Variants in RELN observed in about 807,000 individuals in gnomAD.
RELN encodes reelin.
A neutral mutation model predicts 427.6 loss-of-function variants in RELN; 108 were observed. The observed-to-expected ratio is 0.25, with a 90% CI of 0.22 to 0.30. The LOEUF is 0.30. Among genes scored for constraint, RELN ranks in the 10% least tolerant of loss-of-function variants. The probability of loss-of-function intolerance (pLI) is 1.00; values close to 1 mark genes in which losing one functional copy is unlikely to be tolerated. For synonymous variants in RELN, 1,524 were observed against 1,513.4 expected, an observed-to-expected ratio of 1.01 and a Z score of -0.16; for missense variants, 3,715 against 4,302.8, an observed-to-expected ratio of 0.86 and a Z score of 3.82.
chr7:103,503,860 AT>A (rs578076034), intron 51 of RELN, among the ~76,000 whole-genome samples: 9 of 148,036 alleles, frequency 6.1e-5, no homozygotes, highest in African/African-American at 2.2e-4. Flanking sequence ...TTTTCTATAA[AT>A]TTTTTTCTCC....
Position 103,494,365 on chromosome 7 carries a change from TTGTG to T in RELN, c.9369+1354_9369+1357del, listed in dbSNP as rs58533286. 2.5e-4 allele frequency among the ~76,000 whole-genome samples: 29 copies of T among 118,282 alleles called. No individual in the cohort carries two copies. In the East Asian group the frequency reaches 4.8e-3, roughly 20 times the overall value. 77.6% of individuals were successfully genotyped at this position (118,282 alleles called of 152,430 possible). A position where few individuals can be genotyped will look rare whatever the true frequency, so the allele number is the denominator to read the frequency against. ...ATACAATACATTTCTGTAATGACTTTTGTGTGTGTGTGTGTGTGTGTGTGTGTGG... is the reference window on the plus strand; with the variant it reads ...ATACAATACATTTCTGTAATGACTTTTGTGTGTGTGTGTGTGTGTGTGTGG... On this transcript the variant is annotated intron_variant, in intron 57 of 64. Transcript: ENST00000428762.
chr7:103,561,392 G>A (rs769233051), intron 36 of RELN, 140 bp downstream of exon 36: 4 of 772,354 alleles, frequency 5.2e-6, no homozygotes, highest in South Asian at 1.5e-5. Flanking sequence ...GAGGAAACAT[G>A]GTTTGGGCTA....
At chr7:103,896,771 A>T (rs987485703) in intron 2 of RELN, among the ~76,000 whole-genome samples, 1 of 152,164 alleles carries the variant, frequency 6.6e-6, no homozygotes, top group South Asian at 2.1e-4. Context: ...TTGCTGTAAA[A>T]TTTTTTCAAT....
At chr7:103,545,658 T>TG (rs1830279320) in intron 41 of RELN, among the ~76,000 whole-genome samples, 1 of 152,084 alleles carries the variant, frequency 6.6e-6, no homozygotes, top group African/African-American at 2.4e-5. Flanking sequence ...ATTTTTTTTT[T>TG]TGAGACAGAG....
At chr7:103,902,731 T>G (rs1217801505) in intron 2 of RELN, among the ~76,000 whole-genome samples, 1 of 152,076 alleles carries the variant, frequency 6.6e-6, no homozygotes, top group African/African-American at 2.4e-5. Context: ...AACTCAGCAT[T>G]GGAGGGTTGA....
intron 12 of RELN, among the ~76,000 whole-genome samples, chr7:103,657,225 TA>T (rs1296732440): frequency 2.6e-5 from 4 of 152,090 alleles, no homozygotes; most frequent in African/African-American, 9.7e-5. Flanking sequence ...TTTTGACATT[TA>T]TATCATATAT....
rs547323348 is a variant in RELN, at chr7:103,691,670, G to A, written c.1143+6183C>T. ...TTTACTAAAAGTACAAAACTTAGCC[G>A]GGTGTGGTGGCGCACACCTGTAGTC... On this transcript the variant is annotated intron_variant, in intron 10 of 64. Transcript: ENST00000428762. Among the ~76,000 whole-genome samples the A allele has an allele frequency of 5.3e-5, 8 of 151,928 alleles. No individual in the cohort carries two copies. The South Asian group carries it at 6.2e-4, about 12-fold the overall frequency.
At chr7:103,746,172 T>C (rs982123092) in intron 6 of RELN, among the ~76,000 whole-genome samples, 17 of 152,120 alleles carry the variant, frequency 1.1e-4, no homozygotes, top group African/African-American at 4.1e-4. Flanking sequence ...GGGGAAAGAA[T>C]TCCCTATTTA....
intron 2 of RELN, among the ~76,000 whole-genome samples, chr7:103,879,787 T>C (rs1794564743): frequency 1.3e-5 from 2 of 152,200 alleles, no homozygotes. Flanking sequence ...AGGCCAGTTT[T>C]CTTTAGGACA....
intron 6 of RELN, among the ~76,000 whole-genome samples, chr7:103,734,141 C>A (rs1384017949): frequency 6.6e-6 from 1 of 152,062 alleles, no homozygotes; most frequent in Non-Finnish European, 1.5e-5. Flanking sequence ...TGTAACCTCA[C>A]AATTAAATGT....
chr7:103,636,296 C>G lies in RELN; in HGVS notation c.2242G>C (p.Val748Leu). The G allele has an allele frequency of 6.2e-7, 1 of 1,614,018 alleles. No individual in the cohort carries two copies. ...CGVLASGKAL[V>L]FNKDGRRQLI... The stretch of plus-strand genomic sequence containing the variant: ...TGACGCCGCCCATCTTTGTTGAAAA[C>G]CAGGGCCTTACCACTGGCCAAGACA... Residue 748 changes from valine (V) to leucine (L), a missense_variant, in exon 18 of 65, where the codon GTT becomes CTT. Physicochemically the swap from Val to Leu is conservative, Grantham distance 32 (BLOSUM62 1). Around this residue, in one of 4 missense-constraint regions of RELN, gnomAD observed 2,208 missense variants for 2,361.7 expected, o/e 0.93. Transcript: ENST00000428762.
chr7:103,551,957 GT>G (rs1469600318), intron 40 of RELN, among the ~76,000 whole-genome samples: 1 of 151,924 alleles, frequency 6.6e-6, no homozygotes, highest in Non-Finnish European at 1.5e-5. Flanking sequence ...GTGTGTGTGT[GT>G]GGTAAGAGCA....
At chr7:103,904,845 C>T (rs4729939) in intron 2 of RELN, among the ~76,000 whole-genome samples, 51,181 of 151,756 alleles carry the variant, frequency 0.34, 9,194 homozygotes, top group Non-Finnish European at 0.41. Context: ...AAACTGTAGA[C>T]TTATCATTTC....
chr7:103,961,178 C>T (rs1402692383), intron 1 of RELN, among the ~76,000 whole-genome samples: 2 of 152,166 alleles, frequency 1.3e-5, no homozygotes, highest in African/African-American at 2.4e-5. Flanking sequence ...TGAGAGAAAA[C>T]ATTTTTCAGA....
chr7:103,548,679 C>T (rs1033268403), intron 41 of RELN, among the ~76,000 whole-genome samples: 9 of 152,254 alleles, frequency 5.9e-5, no homozygotes, highest in South Asian at 4.1e-4. Context: ...AGGTTCTGTA[C>T]GCTATTATTG....
intron 20 of RELN, chr7:103,628,006 G>A (rs1395172151): frequency 1.3e-5 from 2 of 152,166 alleles, no homozygotes; most frequent in African/African-American, 4.8e-5. Flanking sequence ...AAATAAACAT[G>A]ATACAGGACT....
chr7:103,872,030 A>ATATATATTTT (rs773045936), intron 2 of RELN, among the ~76,000 whole-genome samples: 1 of 138,442 alleles, frequency 7.2e-6, no homozygotes, highest in Non-Finnish European at 1.6e-5. Flanking sequence ...ATATATATAT[A>ATATATATTTT]TTTTTCTTTT....
rs968491300 is a variant in RELN at position 103,569,778 on chromosome 7, A to C, written c.4588+2406T>G. ...AAGAGCAATATACATATCTCATATC[A>C]CTTGCTGAACCTCATTAGCCATGTC... On this transcript the variant is annotated intron_variant, in intron 31 of 64. Coordinates refer to ENST00000428762, the MANE Select transcript of RELN (RefSeq NM_005045.4). The surrounding 1 kb of genome is among the most constrained non-coding windows in gnomAD (Gnocchi z 4.0). Among the ~76,000 whole-genome samples the C allele has an allele frequency of 2.0e-5, 3 of 152,194 alleles. No homozygotes were observed. Among genetic ancestry groups the C allele is most frequent in the Non-Finnish European group, 4.4e-5 (3 of 68,024 alleles).
intron 16 of RELN, 60 bp downstream of exon 16, chr7:103,650,214 C>A: frequency 9.6e-7 from 1 of 1,041,870 alleles, no homozygotes. Flanking sequence ...TGCTGACGAA[C>A]AAAAGCACAG....
Sources: gnomAD v4.1 joint callset for allele counts (sites outside exome capture counted in the v4.1 genomes callset) on GRCh38, gnomAD v4.1.1 for gene constraint, gnomAD v4.1.1 regional missense constraint, Gnocchi (gnomAD v3.1) non-coding constraint, MANE v1.5 for transcripts, NCBI Gene and HGNC (gene_info 2026-07-23, HGNC 2026-07-21) for gene names.